RAB33A: variants seen among roughly 807,000 people sequenced by gnomAD.
RAB33A encodes the protein ras-related protein Rab-33A.
Under a neutral mutation model 12.0 loss-of-function variants are expected in RAB33A, and 6 were observed. That is an observed-to-expected ratio of 0.50 (90% CI 0.27 to 0.99). RAB33A has a LOEUF of 0.99. Ranked by LOEUF, RAB33A falls within the 50% of genes least tolerant of loss-of-function variation. The pLI is 0.11. For missense variants in RAB33A, 109 were observed against 192.0 expected (o/e 0.57, Z 2.55); for synonymous variants, 70 against 82.4 (o/e 0.85, Z 0.81).
chrX:130,140,461 C>T, the RAB33A span: 1 of 882,294 alleles, frequency 1.1e-6, no homozygotes, highest in African/African-American at 1.9e-5. Flanking sequence ...TAATGCCTTC[C>T]ATAGAGAAGG....
At chrX:130,111,094 G>A in the RAB33A span, among the ~76,000 whole-genome samples, 6 of 108,314 alleles carry the variant, frequency 5.5e-5, no homozygotes, top group Admixed American at 9.5e-5. Flanking sequence ...TCGCCAGCAC[G>A]GCATGGGGAG....
the RAB33A span, among the ~76,000 whole-genome samples, chrX:130,119,460 C>T: frequency 8.9e-6 from 1 of 111,917 alleles, no homozygotes; most frequent in Non-Finnish European, 1.9e-5. Context: ...AAGCCAGCGC[C>T]GTGGCATCAG....
chrX:130,110,733 C>T, the RAB33A span: 2 of 105,274 alleles, frequency 1.9e-5, no homozygotes, highest in African/African-American at 6.9e-5. Context: ...GACGGCGGCG[C>T]CCCTGATAAA....
the RAB33A span, among the ~76,000 whole-genome samples, chrX:130,116,209 G>A: frequency 5.7e-5 from 6 of 105,876 alleles, no homozygotes; most frequent in Admixed American, 5.2e-4. Flanking sequence ...AGGCTCAAGT[G>A]ATTCTCCTGC....
chrX:130,138,470 A>C, the RAB33A span: 2 of 570,585 alleles, frequency 3.5e-6, no homozygotes, highest in Non-Finnish European at 5.9e-6. Context: ...ATCTCAAAAA[A>C]AAATAAATAA....
the RAB33A span, among the ~76,000 whole-genome samples, chrX:130,158,884 T>C: frequency 6.3e-5 from 7 of 111,061 alleles, no homozygotes; most frequent in African/African-American, 2.0e-4. Flanking sequence ...TAGCATCCCA[T>C]GTATACTTGC....
At chrX:130,175,182 A>G (rs1305510660) in intron 1 of RAB33A, among the ~76,000 whole-genome samples, 1 of 111,550 alleles carries the variant, frequency 9.0e-6, no homozygotes, top group South Asian at 3.7e-4. Context: ...TGGCACATGG[A>G]TCTGAGCTTC....
the RAB33A span, among the ~76,000 whole-genome samples, chrX:130,146,451 ATGTGTGTGTGTGTGTGTGTGTG>A: frequency 1.1e-5 from 1 of 89,435 alleles, no homozygotes; most frequent in Non-Finnish European, 2.2e-5. Flanking sequence ...CTCTCAAAAT[ATGTGTGTGTGTGTGTGTGTGTG>A]TGTGTGTGTG....
At chrX:130,118,570 A>C in the RAB33A span, among the ~76,000 whole-genome samples, 2 of 112,320 alleles carry the variant, frequency 1.8e-5, no homozygotes, top group African/African-American at 6.5e-5. Flanking sequence ...AAATATAACA[A>C]TGTGTATAAA....
the RAB33A span, among the ~76,000 whole-genome samples, chrX:130,125,188 C>T: frequency 2.7e-5 from 3 of 111,711 alleles, no homozygotes; most frequent in African/African-American, 9.8e-5. Context: ...CCGACAGTAC[C>T]GGGCGAGCTT....
At chrX:130,116,053 C>T in the RAB33A span, among the ~76,000 whole-genome samples, 1 of 108,613 alleles carries the variant, frequency 9.2e-6, no homozygotes, top group Non-Finnish European at 1.9e-5. Context: ...TTTCTTCAAG[C>T]AGTGCCTGAT....
At chrX:130,116,584 G>A in the RAB33A span, among the ~76,000 whole-genome samples, 172 of 112,197 alleles carry the variant, frequency 1.5e-3, no homozygotes, top group African/African-American at 5.1e-3. Context: ...AAGCCATCGC[G>A]CCTGGCCACC....
the RAB33A span, among the ~76,000 whole-genome samples, chrX:130,118,521 C>T: frequency 8.9e-6 from 1 of 112,758 alleles, no homozygotes; most frequent in Admixed American, 9.3e-5. Flanking sequence ...CACCCTGCCC[C>T]CACATCGGGG....
At chrX:130,150,977 C>CAAAAAAAAAAAAAAA in the RAB33A span, among the ~76,000 whole-genome samples, 9 of 27,785 alleles carry the variant, frequency 3.2e-4, no homozygotes, top group African/African-American at 5.3e-4. Flanking sequence ...GACTCTGTCT[C>CAAAAAAAAAAAAAAA]AAAAAAAAAA....
At chrX:130,139,707 C>T in the RAB33A span, 1 of 907,071 alleles carries the variant, frequency 1.1e-6, no homozygotes, top group African/African-American at 1.9e-5. Flanking sequence ...ACTTGGATCT[C>T]CCAAGTCCCG....
chrX:130,137,809 T>G, the RAB33A span: 3 of 896,529 alleles, frequency 3.3e-6, no homozygotes, highest in Non-Finnish European at 4.1e-6. Flanking sequence ...ACACCTATAA[T>G]CCCAGCACTT....
the RAB33A span, chrX:130,137,757 G>T: frequency 9.9e-7 from 1 of 1,012,271 alleles, no homozygotes; most frequent in Non-Finnish European, 1.3e-6. Context: ...TAGAGGAAAA[G>T]AAAGGAAAGA....
the RAB33A span, among the ~76,000 whole-genome samples, chrX:130,146,451 A>ATGTGTGTGTGTGTGTG: frequency 3.8e-4 from 34 of 89,444 alleles, no homozygotes; most frequent in African/African-American, 1.3e-3. Context: ...CTCTCAAAAT[A>ATGTGTGTGTGTGTGTG]TGTGTGTGTG....
At chrX:130,165,733 C>G in the RAB33A span, 2 of 840,771 alleles carry the variant, frequency 2.4e-6, no homozygotes, top group African/African-American at 2.0e-5. Context: ...CCGTGAGCCC[C>G]GGCCAGCTCC....
Sources: gnomAD v4.1 joint callset for allele counts (sites outside exome capture counted in the v4.1 genomes callset) on GRCh38, gnomAD v4.1.1 for gene constraint, MANE v1.5 for transcripts, NCBI Gene and HGNC (gene_info 2026-07-23, HGNC 2026-07-21) for gene names.